The following P2RY8 variants were observed in gnomAD, a reference collection of about 807,000 sequenced individuals.
P2RY8 encodes S-geranylgeranyl-glutathione receptor P2RY8.
Under a neutral mutation model 10.0 loss-of-function variants are expected in P2RY8, and 6 were observed. That is an observed-to-expected ratio of 0.60 (90% CI 0.33 to 1.19). P2RY8 has a LOEUF of 1.19. P2RY8 is among the 50% of genes most tolerant of loss of function. P2RY8 has a pLI of 0.04. For synonymous variants in P2RY8, 276 were observed against 252.5 expected, an observed-to-expected ratio of 1.09 and a Z score of -0.88; for missense variants, 456 against 542.0, an observed-to-expected ratio of 0.84 and a Z score of 1.58.
chrX:1,485,089 A>G (rs1204980808), intron 1 of P2RY8, among the ~76,000 whole-genome samples: 5 of 150,094 alleles, frequency 3.3e-5, no homozygotes, highest in Non-Finnish European at 7.4e-5. Context: ...TCAGCCTCCA[A>G]AAGTGTTGAG....
At chrX:1,483,962 C>A (rs1362062875) in intron 1 of P2RY8, among the ~76,000 whole-genome samples, 1 of 151,742 alleles carries the variant, frequency 6.6e-6, no homozygotes, top group Non-Finnish European at 1.5e-5. Flanking sequence ...AAGCTGGGAT[C>A]CCCTAAACCC....
At chrX:1,470,579 C>A (rs2091771815) in intron 1 of P2RY8, among the ~76,000 whole-genome samples, 1 of 152,076 alleles carries the variant, frequency 6.6e-6, no homozygotes, top group Admixed American at 6.6e-5. Context: ...TTCCTGTCCC[C>A]AGCCCCTGTG....
chrX:1,477,574 T>C lies in P2RY8; in HGVS notation c.-24-10992A>G, dbSNP rs758521758. Among the ~76,000 whole-genome samples the C allele has an allele frequency of 7.2e-5, 11 of 152,322 alleles. No homozygotes were observed. The South Asian group carries it at 1.9e-3, about 26-fold the overall frequency. On this transcript the variant is annotated intron_variant, in intron 1 of 1. Transcript: ENST00000381297. Reference sequence around the variant, plus strand: ...AATCTATCAATTATTTATCTATGCATCAATTATTTATCCATTCAATAGTTT... The same window carrying C: ...AATCTATCAATTATTTATCTATGCACCAATTATTTATCCATTCAATAGTTT...
intron 1 of P2RY8, among the ~76,000 whole-genome samples, chrX:1,519,382 A>G (rs1435562244): frequency 1.2e-4 from 18 of 151,294 alleles, no homozygotes; most frequent in African/African-American, 4.1e-4. Context: ...CTGGTCCCCA[A>G]TATTCTCTCT....
chrX:1,499,682 A>G (rs2092155372), intron 1 of P2RY8, among the ~76,000 whole-genome samples: 1 of 152,110 alleles, frequency 6.6e-6, no homozygotes, highest in African/African-American at 2.4e-5. Flanking sequence ...AAACAAAACA[A>G]AAAAACCCTA....
In P2RY8 at chrX:1,528,283, G is replaced by A. The variant is rs776789360; in HGVS notation, c.-25+8638C>T. On this transcript the variant is annotated intron_variant, in intron 1 of 1. Transcript: ENST00000381297. ...TTCATCTATTGCATCTCACAGAGAG[G>A]CTGTCTGCAACATGCCCATTTCAAC... Among the ~76,000 whole-genome samples, 4 of 152,316 alleles carry A rather than the reference G, an allele frequency of 2.6e-5. No individual in the cohort carries two copies. The South Asian group carries it at 8.3e-4, about 32-fold the overall frequency.
Position 1,465,492 on chromosome X carries a change from T to A in P2RY8, c.1067A>T (p.Glu356Val). The change falls in exon 2 of 2, where the codon GAG becomes GTG. Residue 356 changes from glutamate (E) to valine (V), a missense_variant. Transcript: ENST00000381297. ...CGCCCCCGGGACTCAGAACACACTC[T>A]CCTGCCTCTGGAGGCCGGGCCTGGT... ...GATRPGLQRQ[E>V]SVF 1.2e-6 allele frequency: 2 copies of A among 1,607,090 alleles called. No homozygotes were observed. The highest frequency in any genetic ancestry group is 1.7e-6 in the Non-Finnish European group (2 of 1,176,980).
intron 1 of P2RY8, among the ~76,000 whole-genome samples, chrX:1,474,034 G>A (rs1318855922): frequency 6.6e-6 from 1 of 151,268 alleles, no homozygotes; most frequent in Non-Finnish European, 1.5e-5. Flanking sequence ...AGGGTGGATG[G>A]GTGGATGAAT....
intron 1 of P2RY8, among the ~76,000 whole-genome samples, chrX:1,467,252 C>T (rs1357875027): frequency 1.3e-5 from 2 of 152,124 alleles, no homozygotes; most frequent in East Asian, 1.9e-4. Context: ...TTTTAACACC[C>T]GCGTCAACCC....
At position 1,478,246 on chromosome X, in the gene P2RY8, C is replaced by CGTGTGTGTGT. The variant is rs1389734508; in HGVS notation, c.-24-11665_-24-11664insACACACACAC. ...TAAAATGAAAAATGGTGCTGGCAGG[C>CGTGTGTGTGT]GTATGTGTGTGTGTGTGTGTGTGTG... On this transcript the variant is annotated intron_variant, in intron 1 of 1. Coordinates refer to ENST00000381297, the MANE Select transcript of P2RY8 (RefSeq NM_178129.5). 2.8e-3 allele frequency among the ~76,000 whole-genome samples: 397 copies of CGTGTGTGTGT among 141,258 alleles called. 2 individuals are homozygous for CGTGTGTGTGT. The highest frequency in any genetic ancestry group is 0.011 in the African/African-American group (385 of 35,988). The allele number at this position is 141,258 out of a possible 152,430, so 92.7% of individuals were successfully genotyped here.
rs545823448 is a variant in P2RY8 at position 1,499,840 on chromosome X, TTTTTG to T, written c.-24-33263_-24-33259del. On this transcript the variant is annotated intron_variant, in intron 1 of 1. Transcript: ENST00000381297. Reference sequence around the variant, plus strand: ...ATATCTCTAATTTTTTGAATCTGTTTTTTTGTTTTGTTTTGTTTTGTTTTGTTTTT... The same window carrying T: ...ATATCTCTAATTTTTTGAATCTGTTTTTTTGTTTTGTTTTGTTTTGTTTTT... Among the ~76,000 whole-genome samples the T allele has an allele frequency of 5.1e-3, 771 of 151,632 alleles. 3 individuals carry two copies. Among genetic ancestry groups the T allele is most frequent in the Non-Finnish European group, 8.4e-3 (573 of 67,838 alleles).
chrX:1,523,446 G>T (rs1298928889), intron 1 of P2RY8, among the ~76,000 whole-genome samples: 3 of 152,106 alleles, frequency 2.0e-5, no homozygotes, highest in Admixed American at 2.0e-4. Context: ...GAATTTTTGA[G>T]GTTCATCCAT....
intron 1 of P2RY8, among the ~76,000 whole-genome samples, chrX:1,484,778 G>A (rs1221801192): frequency 1.4e-5 from 2 of 145,994 alleles, no homozygotes; most frequent in African/African-American, 5.0e-5. Flanking sequence ...CGGCAGCTGG[G>A]GAACCTTCCT....
intron 1 of P2RY8, among the ~76,000 whole-genome samples, chrX:1,476,954 C>G (rs1416944084): frequency 5.3e-5 from 8 of 151,968 alleles, no homozygotes; most frequent in Non-Finnish European, 1.5e-5. Flanking sequence ...TTTGGGAGGC[C>G]GAGGTGGGTG....
chrX:1,498,850 T>C (rs1311089302), intron 1 of P2RY8, among the ~76,000 whole-genome samples: 1 of 150,894 alleles, frequency 6.6e-6, no homozygotes, highest in African/African-American at 2.4e-5. Context: ...CTGTTATTTT[T>C]TGAGATGGAG....
chrX:1,512,629 TG>T (rs1206522077), intron 1 of P2RY8, among the ~76,000 whole-genome samples: 2 of 151,034 alleles, frequency 1.3e-5, no homozygotes, highest in East Asian at 3.9e-4. Flanking sequence ...CAGTTCCACA[TG>T]GCTAGGGAGA....
rs1194232990 is a variant in P2RY8, at chrX:1,465,493, C to T, written c.1066G>A (p.Glu356Lys). The change falls in exon 2 of 2, where the codon GAG becomes AAG. Residue 356 changes from glutamate (E) to lysine (K), a missense_variant. Transcript: ENST00000381297. ...GATRPGLQRQ[E>K]SVF ...GCCCCCGGGACTCAGAACACACTCTCCTGCCTCTGGAGGCCGGGCCTGGTG... is the reference window on the plus strand; with the variant it reads ...GCCCCCGGGACTCAGAACACACTCTTCTGCCTCTGGAGGCCGGGCCTGGTG... 1.9e-6 allele frequency: 3 copies of T among 1,607,454 alleles called. No individual in the cohort carries two copies. The highest frequency in any genetic ancestry group is 2.5e-6 in the Non-Finnish European group (3 of 1,177,090).
At chrX:1,467,420 G>A (rs2091702132) in intron 1 of P2RY8, among the ~76,000 whole-genome samples, 1 of 152,134 alleles carries the variant, frequency 6.6e-6, no homozygotes, top group African/African-American at 2.4e-5. Context: ...GCCCAGGTGT[G>A]AAACCTACAG....
intron 1 of P2RY8, among the ~76,000 whole-genome samples, chrX:1,466,837 C>G (rs1242586799): frequency 6.7e-6 from 1 of 150,326 alleles, no homozygotes; most frequent in African/African-American, 2.4e-5. Context: ...TTCTTCCTTC[C>G]TCCTCTCTCC....
Sources: gnomAD v4.1 joint callset for allele counts (sites outside exome capture counted in the v4.1 genomes callset) on GRCh38, gnomAD v4.1.1 for gene constraint, MANE v1.5 for transcripts, NCBI Gene and HGNC (gene_info 2026-07-23, HGNC 2026-07-21) for gene names.